DCC: variants seen among roughly 807,000 people sequenced by gnomAD.
DCC encodes DCC netrin 1 receptor.
A neutral mutation model predicts 172.5 loss-of-function variants in DCC; 58 were observed. The observed-to-expected ratio is 0.34, with a 90% CI of 0.27 to 0.42. The LOEUF is 0.42. Ranked by LOEUF, DCC falls within the 10% of genes least tolerant of loss-of-function variation. DCC has a pLI of 1.00. For synonymous variants in DCC, 709 were observed against 644.5 expected (o/e 1.10, Z -1.52); for missense variants, 1,740 against 1,791.0 (o/e 0.97, Z 0.51).
intron 7 of DCC, among the ~76,000 whole-genome samples, chr18:53,074,028 C>A (rs538859194): frequency 1.3e-5 from 2 of 152,070 alleles, no homozygotes; most frequent in South Asian, 4.2e-4. Flanking sequence ...TTATTAAGAT[C>A]TATTAGAATT....
chr18:52,364,280 T>A (rs1337511315), intron 1 of DCC, among the ~76,000 whole-genome samples: 1 of 152,234 alleles, frequency 6.6e-6, no homozygotes, highest in Non-Finnish European at 1.5e-5. Context: ...TTTTTAAAAC[T>A]TTTAGTATCT....
chr18:53,301,446 A>T (rs1327008226), intron 12 of DCC, among the ~76,000 whole-genome samples: 1 of 151,702 alleles, frequency 6.6e-6, no homozygotes, highest in East Asian at 1.9e-4. Context: ...AAAAAAAAAA[A>T]CAAACAAAAA....
chr18:53,274,156 G>C (rs576858485), intron 12 of DCC, among the ~76,000 whole-genome samples: 22 of 152,174 alleles, frequency 1.4e-4, no homozygotes, highest in African/African-American at 5.1e-4. Flanking sequence ...TCAATAAATT[G>C]CATATATATA....
chr18:53,015,747 CTTGTGAACTTA>C (rs1380192467), intron 5 of DCC, among the ~76,000 whole-genome samples: 3 of 152,028 alleles, frequency 2.0e-5, no homozygotes, highest in African/African-American at 7.2e-5. Context: ...AAAAATATTA[CTTGTGAACTTA>C]ACCACAAGTT....
At chr18:52,442,579 C>A (rs1339299142) in intron 1 of DCC, among the ~76,000 whole-genome samples, 1 of 152,136 alleles carries the variant, frequency 6.6e-6, no homozygotes, top group Non-Finnish European at 1.5e-5. Context: ...TAGAAAGAGG[C>A]AAGGGCTTTC....
intron 5 of DCC, among the ~76,000 whole-genome samples, chr18:52,990,566 A>G (rs2041372743): frequency 8.4e-6 from 1 of 118,898 alleles, no homozygotes; most frequent in South Asian, 2.7e-4. Flanking sequence ...AAAAAAAAAA[A>G]GCAAAGCTCC....
At chr18:52,441,179 T>A (rs1987959012) in intron 1 of DCC, among the ~76,000 whole-genome samples, 1 of 152,214 alleles carries the variant, frequency 6.6e-6, no homozygotes, top group African/African-American at 2.4e-5. Flanking sequence ...GTAGCTGAAG[T>A]TATGAGAGAT....
chr18:52,931,678 C>A (rs2040309088), intron 5 of DCC: 1 of 151,986 alleles, frequency 6.6e-6, no homozygotes, highest in South Asian at 2.1e-4. Context: ...TTGGAGATAT[C>A]TTTATTAGAC....
intron 5 of DCC, among the ~76,000 whole-genome samples, chr18:52,952,972 T>C (rs2040677453): frequency 1.8e-5 from 2 of 113,698 alleles, no homozygotes; most frequent in African/African-American, 6.9e-5. Flanking sequence ...CACTCCAGCC[T>C]GGGCACCACA....
chr18:53,459,521 C>T, intron 24 of DCC, 63 bp downstream of exon 24: 2 of 1,058,204 alleles, frequency 1.9e-6, no homozygotes, highest in South Asian at 2.5e-5. Flanking sequence ...GAGTTTTTCA[C>T]TCCTTTTATG....
At chr18:53,488,137 G>GACTT (rs2045922512) in intron 26 of DCC, among the ~76,000 whole-genome samples, 3 of 152,310 alleles carry the variant, frequency 2.0e-5, no homozygotes, top group South Asian at 4.1e-4. Flanking sequence ...AGAATGTGTA[G>GACTT]ACTTTCAGAG....
chr18:52,394,442 G>A (rs971712247), intron 1 of DCC, among the ~76,000 whole-genome samples: 1 of 147,254 alleles, frequency 6.8e-6, no homozygotes. Flanking sequence ...ATTTTTTAAA[G>A]TGGTTTTTTT....
At chr18:52,923,646 ATATC>A in intron 3 of DCC, 57 bp from the exon 4 acceptor site, 1 of 1,310,872 alleles carries the variant, frequency 7.6e-7, no homozygotes, top group Non-Finnish European at 1.1e-6. Flanking sequence ...AAATCAAAAT[ATATC>A]ATTTATCTTT....
chr18:52,860,846 A>G (rs2039130256), intron 2 of DCC, among the ~76,000 whole-genome samples: 1 of 151,980 alleles, frequency 6.6e-6, no homozygotes, highest in African/African-American at 2.4e-5. Context: ...AAAAATACAG[A>G]AAGTGAGCCA....
chr18:53,249,658 T>C (rs1365520673), intron 12 of DCC, among the ~76,000 whole-genome samples: 1 of 151,962 alleles, frequency 6.6e-6, no homozygotes. Context: ...TCCTTGTCTA[T>C]GGAATAATAG....
intron 13 of DCC, among the ~76,000 whole-genome samples, chr18:53,320,025 A>C (rs1188844923): frequency 6.6e-6 from 1 of 151,346 alleles, no homozygotes; most frequent in Non-Finnish European, 1.5e-5. Context: ...TTGTTTATTC[A>C]TTTTAAAGAA....
intron 1 of DCC, among the ~76,000 whole-genome samples, chr18:52,605,693 G>A (rs1452305953): frequency 6.6e-6 from 1 of 152,112 alleles, no homozygotes; most frequent in African/African-American, 2.4e-5. Context: ...ACAGTTGGAT[G>A]ATATTGCTAT....
chr18:53,319,092 T>TAC (rs759833377), intron 13 of DCC, among the ~76,000 whole-genome samples: 4 of 152,254 alleles, frequency 2.6e-5, no homozygotes, highest in Non-Finnish European at 5.9e-5. Context: ...AGGCCTGCCT[T>TAC]ACAAGAGCTC....
intron 1 of DCC, among the ~76,000 whole-genome samples, chr18:52,720,264 C>T (rs1009212411): frequency 6.6e-6 from 1 of 152,144 alleles, no homozygotes; most frequent in Non-Finnish European, 1.5e-5. Context: ...TGAAATAGAA[C>T]TAATTTTCAA....
Sources: gnomAD v4.1 joint callset for allele counts (sites outside exome capture counted in the v4.1 genomes callset) on GRCh38, gnomAD v4.1.1 for gene constraint, MANE v1.5 for transcripts, NCBI Gene and HGNC (gene_info 2026-07-23, HGNC 2026-07-21) for gene names.